CADM2: variants seen among roughly 807,000 people sequenced by gnomAD.
CADM2 encodes cell adhesion molecule 2.
CADM2 carries 12 observed loss-of-function variants against 49.8 expected under a neutral mutation model. The ratio of observed to expected loss-of-function variants is 0.24; its 90% confidence interval spans 0.15 to 0.39. The LOEUF (loss-of-function observed/expected upper bound fraction) is 0.39. Ranked by LOEUF, CADM2 falls within the 10% of genes least tolerant of loss-of-function variation. The pLI, the probability that CADM2 is intolerant of heterozygous loss-of-function variation, is 1.00. For synonymous variants in CADM2, 214 were observed against 175.4 expected (o/e 1.22, Z -1.74); for missense variants, 378 against 492.3 (o/e 0.77, Z 2.20).
intron 1 of CADM2, among the ~76,000 whole-genome samples, chr3:85,441,647 G>C (rs998356875): frequency 1.3e-5 from 2 of 151,924 alleles, no homozygotes; most frequent in African/African-American, 4.8e-5. Flanking sequence ...CTAAGTTCCA[G>C]GAAAATACAA....
chr3:85,131,000 T>C (rs956982113), intron 1 of CADM2, among the ~76,000 whole-genome samples: 7 of 152,132 alleles, frequency 4.6e-5, no homozygotes, highest in Non-Finnish European at 8.8e-5. Context: ...CTGGCCAACA[T>C]AGTGAAACTC....
At chr3:85,000,830 C>T (rs896708721) in intron 1 of CADM2, among the ~76,000 whole-genome samples, 14 of 151,806 alleles carry the variant, frequency 9.2e-5, no homozygotes, top group African/African-American at 3.1e-4. Context: ...TATGTATGTA[C>T]ATTTGTATAG....
chr3:85,982,522 G>T (rs1452078532), intron 8 of CADM2, among the ~76,000 whole-genome samples: 1 of 151,488 alleles, frequency 6.6e-6, no homozygotes, highest in East Asian at 1.9e-4. Flanking sequence ...TTTAATGTTA[G>T]CCTAACGCCC....
At chr3:85,738,624 A>G (rs1038635667) in intron 2 of CADM2, among the ~76,000 whole-genome samples, 1 of 152,214 alleles carries the variant, frequency 6.6e-6, no homozygotes, top group African/African-American at 2.4e-5. Flanking sequence ...CACTATTTCA[A>G]TCATCATAAC....
intron 1 of CADM2, among the ~76,000 whole-genome samples, chr3:85,673,279 C>A (rs1209239273): frequency 6.6e-6 from 1 of 152,094 alleles, no homozygotes; most frequent in Non-Finnish European, 1.5e-5. Context: ...GAAATTCACT[C>A]TATGAGCCAA....
intron 1 of CADM2, among the ~76,000 whole-genome samples, chr3:85,089,815 C>A (rs2037525688): frequency 6.6e-6 from 1 of 152,112 alleles, no homozygotes. Context: ...CAGTTCTTTT[C>A]TATTTGTACT....
intron 8 of CADM2, among the ~76,000 whole-genome samples, chr3:86,008,831 A>AT (rs1188436517): frequency 2.0e-5 from 3 of 147,512 alleles, no homozygotes; most frequent in Non-Finnish European, 4.6e-5. Context: ...AATTTTGACG[A>AT]TTTTTTCCAG....
At chr3:85,946,804 A>T (rs1207360969) in intron 7 of CADM2, among the ~76,000 whole-genome samples, 3 of 152,196 alleles carry the variant, frequency 2.0e-5, no homozygotes, top group Non-Finnish European at 4.4e-5. Context: ...TTCAAGATGG[A>T]TTAAAGACTT....
intron 3 of CADM2, among the ~76,000 whole-genome samples, chr3:85,823,540 T>C (rs1471325983): frequency 6.6e-6 from 1 of 152,170 alleles, no homozygotes; most frequent in Non-Finnish European, 1.5e-5. Context: ...TAATAAACTG[T>C]TGTGGACTGG....
intron 1 of CADM2, among the ~76,000 whole-genome samples, chr3:85,597,745 A>T (rs1318270074): frequency 6.6e-6 from 1 of 152,118 alleles, no homozygotes; most frequent in East Asian, 1.9e-4. Flanking sequence ...AAACTTCGAT[A>T]AAAACAAAAC....
chr3:85,916,366 C>T (rs955028565), intron 6 of CADM2, among the ~76,000 whole-genome samples: 30 of 145,730 alleles, frequency 2.1e-4, no homozygotes, highest in Non-Finnish European at 3.1e-4. Flanking sequence ...GTTCCCCTTC[C>T]TGTGTCCATG....
intron 1 of CADM2, among the ~76,000 whole-genome samples, chr3:85,119,937 G>A (rs1420261813): frequency 6.6e-6 from 1 of 152,068 alleles, no homozygotes; most frequent in Non-Finnish European, 1.5e-5. Flanking sequence ...AATCTATGCA[G>A]CTGACAAAGG....
chr3:85,496,954 C>T (rs2107657138), intron 1 of CADM2, among the ~76,000 whole-genome samples: 1 of 152,322 alleles, frequency 6.6e-6, no homozygotes, highest in African/African-American at 2.4e-5. Flanking sequence ...AGGGATTCTC[C>T]CGCCTCAGCC....
chr3:85,158,922 G>A (rs1362642353), intron 1 of CADM2, among the ~76,000 whole-genome samples: 2 of 152,078 alleles, frequency 1.3e-5, no homozygotes, highest in African/African-American at 2.4e-5. Context: ...TATTGTGTGT[G>A]TGAGAGAGAA....
intron 8 of CADM2, among the ~76,000 whole-genome samples, chr3:86,049,598 G>T (rs1172975978): frequency 6.6e-6 from 1 of 152,070 alleles, no homozygotes; most frequent in Non-Finnish European, 1.5e-5. Flanking sequence ...GGTTTAGTTG[G>T]CTCACAGTTC....
rs180765678 is a variant in CADM2, at chr3:85,092,118, G to T, written c.61+132450G>T. 2.6e-3 allele frequency among the ~76,000 whole-genome samples: 393 copies of T among 152,164 alleles called. 1 individual carries two copies. The highest frequency in any genetic ancestry group is 4.1e-3 in the Non-Finnish European group (279 of 68,000). Reference sequence around the variant, plus strand: ...TAGCTTTATAAAGCTTTATAAAGAAGCCACCACTAAATAATAAAAACAATG... The same window carrying T: ...TAGCTTTATAAAGCTTTATAAAGAATCCACCACTAAATAATAAAAACAATG... On this transcript the variant is annotated intron_variant, in intron 1 of 9. Transcript: ENST00000383699.
intron 1 of CADM2, among the ~76,000 whole-genome samples, chr3:85,185,330 G>GA (rs35913630): frequency 0.027 from 3,953 of 144,976 alleles, 130 homozygotes; most frequent in African/African-American, 0.083. Flanking sequence ...AACAAAAAAT[G>GA]AAAAAAAAAA....
At chr3:85,641,901 A>G (rs1185559396) in intron 1 of CADM2, among the ~76,000 whole-genome samples, 1 of 152,120 alleles carries the variant, frequency 6.6e-6, no homozygotes, top group Admixed American at 6.6e-5. Flanking sequence ...ACTGCACTCC[A>G]GCCTGGGCAA....
intron 2 of CADM2, among the ~76,000 whole-genome samples, chr3:85,796,939 G>A (rs1478925526): frequency 6.6e-6 from 1 of 151,708 alleles, no homozygotes; most frequent in South Asian, 2.1e-4. Flanking sequence ...TACTAAAAAT[G>A]CAAAAATTAA....
Sources: allele counts gnomAD v4.1 joint callset (sites outside exome capture counted in the v4.1 genomes callset), GRCh38; gene constraint gnomAD v4.1.1; transcripts MANE v1.5; gene names NCBI Gene and HGNC (gene_info 2026-07-23, HGNC 2026-07-21).